NLRC5: variants seen among roughly 807,000 people sequenced by gnomAD.
The protein encoded by NLRC5 is protein NLRC5.
A neutral mutation model predicts 206.9 loss-of-function variants in NLRC5; 114 were observed. The ratio of observed to expected loss-of-function variants is 0.55; its 90% CI spans 0.47 to 0.64. The LOEUF is 0.64. Among genes scored for constraint, NLRC5 ranks in the 30% least tolerant of loss-of-function variants. The pLI is 0.00. For synonymous variants in NLRC5, 952 were observed against 962.8 expected (o/e 0.99, Z 0.21); for missense variants, 2,008 against 2,305.5 (o/e 0.87, Z 2.64).
At chr16:57,010,839 C>T (rs190409137) in intron 1 of NLRC5, among the ~76,000 whole-genome samples, 14 of 152,140 alleles carry the variant, frequency 9.2e-5, no homozygotes, top group Non-Finnish European at 1.5e-5. Flanking sequence ...TTGTATTTCT[C>T]TTCCTTACAC....
At chr16:57,033,713 G>C in intron 12 of NLRC5, 44 bp downstream of exon 12, 1 of 1,576,462 alleles carries the variant, frequency 6.3e-7, no homozygotes, top group Non-Finnish European at 8.7e-7. Context: ...GATATGATAT[G>C]GGGGAAAGTC....
intron 28 of NLRC5, chr16:57,058,439 T>G: frequency 6.8e-6 from 3 of 440,136 alleles, no homozygotes; most frequent in Non-Finnish European, 1.2e-5. Context: ...GGAAGCAACA[T>G]TCCATCCCCA....
intron 41 of NLRC5, 111 bp from the exon 42 acceptor site, chr16:57,077,607 CG>C (rs1317900402): frequency 3.0e-5 from 33 of 1,107,028 alleles, no homozygotes; most frequent in South Asian, 1.2e-4. Flanking sequence ...TGTGTGGTGT[CG>C]GGGGGTTGTC....
chr16:57,046,669 G>A (rs762864347), intron 22 of NLRC5, 28 bp downstream of exon 22: 1 of 1,597,438 alleles, frequency 6.3e-7, no homozygotes, highest in Non-Finnish European at 8.6e-7. Context: ...CTTGTTTGGG[G>A]GTAACCATAA....
chr16:57,035,845 A>G (rs1450588585), intron 13 of NLRC5, among the ~76,000 whole-genome samples: 2 of 152,190 alleles, frequency 1.3e-5, no homozygotes, highest in African/African-American at 4.8e-5. Context: ...TCTGCACTTG[A>G]GTTTACTCAT....
At position 57,045,493 on chromosome 16, in the gene NLRC5, G is replaced by C. The variant is rs772398384; in HGVS notation, c.3248+1G>C. Reference sequence around the variant, plus strand: ...TCCTGAGAGGGGACAAGACAAGCAGGTGAGGAGGGAACGCTCGGGGTGGGG... The same window carrying C: ...TCCTGAGAGGGGACAAGACAAGCAGCTGAGGAGGGAACGCTCGGGGTGGGG... On this transcript the variant is annotated splice_donor_variant, in intron 21 of 48. Coordinates refer to ENST00000688547, the MANE Select transcript of NLRC5 (RefSeq NM_001384950.1). LOFTEE classifies it high-confidence loss of function. The C allele has an allele frequency of 1.9e-6, 3 of 1,613,964 alleles. No homozygotes were observed. The Middle Eastern group carries it at 5.0e-4, about 271-fold the overall frequency.
At position 56,993,827 on chromosome 16, in the gene NLRC5, T is replaced by C. The variant is rs186219891; in HGVS notation, c.-128+4210T>C. ...ATGTTAAGGGAATTTGCTCTTTGTC[T>C]ATTATATGGTTATACTGTCATTTAA... On this transcript the variant is annotated intron_variant, in intron 1 of 48. Coordinates refer to ENST00000688547, the MANE Select transcript of NLRC5 (RefSeq NM_001384950.1). Among the ~76,000 whole-genome samples, 4 of 152,348 alleles carry C rather than the reference T, an allele frequency of 2.6e-5. No homozygotes were observed. The East Asian group carries it at 7.7e-4, about 29-fold the overall frequency.
rs774738494 is a variant in NLRC5, at chr16:57,059,485, C to T, written c.3939C>T (p.Ser1313=). The T allele has an allele frequency of 2.5e-6, 4 of 1,611,066 alleles. No individual in the cohort carries two copies. The highest frequency in any genetic ancestry group is 3.4e-6 in the Non-Finnish European group (4 of 1,178,676). ...EASVNLGSEQ[S]FRIHFSREDQ... ...TCTGCAGCCTGGGCTCTGAGCAGAGCTTCCGGATTCACTTCTCCAGAGAGG... is the reference window on the plus strand; with the variant it reads ...TCTGCAGCCTGGGCTCTGAGCAGAGTTTCCGGATTCACTTCTCCAGAGAGG... The change falls in exon 30 of 49, where the codon AGC becomes AGT. Residue 1313 remains serine (S), a synonymous_variant. Coordinates refer to ENST00000688547, the MANE Select transcript of NLRC5 (RefSeq NM_001384950.1).
intron 1 of NLRC5, among the ~76,000 whole-genome samples, chr16:57,015,944 A>AAAAAAAAAAG (rs1567531360): frequency 8.3e-6 from 1 of 120,228 alleles, no homozygotes; most frequent in Non-Finnish European, 1.8e-5. Context: ...AAAAAAAAAA[A>AAAAAAAAAAG]AAAAGAAAGA....
At position 57,076,899 on chromosome 16, in the gene NLRC5, T is replaced by A; in HGVS notation, c.4832T>A (p.Leu1611Gln). The change falls in exon 40 of 49, where the codon CTG becomes CAG. Residue 1611 changes from leucine to glutamine, a missense_variant. Transcript: ENST00000688547. ...AGGGCTGCCACCAGCCTAGAGGAGC[T>A]GGAGTGAGTTGCCCATTCTGCCCCC... ...ALRAATSLEE[L>Q]DLSHNQIGDA... is the part of the protein sequence containing the mutation. 1 of 1,613,758 alleles carries A rather than the reference T, an allele frequency of 6.2e-7. No individual in the cohort carries two copies. Among genetic ancestry groups the A allele is most frequent in the Non-Finnish European group, 8.5e-7 (1 of 1,179,946 alleles).
At chr16:57,021,802 A>C (rs891140) in intron 3 of NLRC5, among the ~76,000 whole-genome samples, 51,078 of 152,134 alleles carry the variant, frequency 0.34, 8,712 homozygotes, top group Non-Finnish European at 0.35. Flanking sequence ...GGGGAAACAC[A>C]GGACATTGAG....
At chr16:57,054,461 C>A (rs1567610954) in intron 24 of NLRC5, among the ~76,000 whole-genome samples, 1 of 152,172 alleles carries the variant, frequency 6.6e-6, no homozygotes, top group Non-Finnish European at 1.5e-5. Flanking sequence ...GTAATTAAAT[C>A]CTCATATACC....
chr16:57,013,827 A>G (rs2059747896), intron 1 of NLRC5: 1 of 697,168 alleles, frequency 1.4e-6, no homozygotes, highest in Admixed American at 2.1e-5. Context: ...TCTCCAGCAT[A>G]AGTTATTTCA....
intron 23 of NLRC5, among the ~76,000 whole-genome samples, chr16:57,049,485 C>A (rs1169577716): frequency 1.3e-5 from 2 of 151,750 alleles, no homozygotes; most frequent in Non-Finnish European, 2.9e-5. Flanking sequence ...CGCCTATAAT[C>A]CCAGCACTTT....
intron 19 of NLRC5, among the ~76,000 whole-genome samples, chr16:57,042,788 T>C (rs2063450625): frequency 6.6e-6 from 1 of 152,176 alleles, no homozygotes; most frequent in Non-Finnish European, 1.5e-5. Context: ...GCGTGGCCTC[T>C]GTTGGTGGCT....
At chr16:57,031,377 T>G in intron 10 of NLRC5, 27 bp from the exon 11 acceptor site, 3 of 1,613,506 alleles carry the variant, frequency 1.9e-6, no homozygotes, top group Non-Finnish European at 2.5e-6. Context: ...GTCTCTGGGT[T>G]TCATGGCTTG....
chr16:57,079,116 C>G lies in NLRC5; in HGVS notation c.5148C>G (p.Pro1716=), dbSNP rs917549713. Residue 1716 remains proline (P), a synonymous_variant, in exon 44 of 49, where the codon CCC becomes CCG. Coordinates refer to ENST00000688547, the MANE Select transcript of NLRC5 (RefSeq NM_001384950.1). ...TGGCCCAGGCCCTGGATGGATCCCC[C>G]CATTTGGAAGAGATCAGGTAAGTAG... ...LSLAQALDGS[P]HLEEISLAEN... 6.2e-7 allele frequency: 1 copy of G among 1,614,030 alleles called. No individual in the cohort carries two copies. The highest frequency in any genetic ancestry group is 8.5e-7 in the Non-Finnish European group (1 of 1,180,036).
Position 57,033,651 on chromosome 16 carries a change from G to A in NLRC5, c.2525G>A (p.Ser842Asn), listed in dbSNP as rs1410565476. ...GACGGCCAGAGGAAAGGGGCTCAGA[G>A]CAGAAGCTTGACGCTCAGGTACCTT... ...ESDGQRKGAQ[S>N]RSLTLRLQKC... Residue 842 changes from serine to asparagine, a missense_variant, in exon 12 of 49, where the codon AGC becomes AAC. Ser to Asn is a conservative substitution (Grantham distance 46). Coordinates refer to ENST00000688547, the MANE Select transcript of NLRC5 (RefSeq NM_001384950.1). The A allele has an allele frequency of 6.2e-7, 1 of 1,614,108 alleles. No homozygotes were observed. The highest frequency in any genetic ancestry group is 8.5e-7 in the Non-Finnish European group (1 of 1,179,976).
chr16:57,069,747 C>T (rs1316600020), intron 36 of NLRC5, 89 bp from the exon 37 acceptor site: 2 of 1,031,596 alleles, frequency 1.9e-6, no homozygotes, highest in Middle Eastern at 4.0e-4. Flanking sequence ...CATCCCTACC[C>T]CACATCCTTG....
Sources: allele counts gnomAD v4.1 joint callset (sites outside exome capture counted in the v4.1 genomes callset), GRCh38; gene constraint gnomAD v4.1.1; transcripts MANE v1.5; gene names NCBI Gene and HGNC (gene_info 2026-07-23, HGNC 2026-07-21).